CD6: variants seen among roughly 807,000 people sequenced by gnomAD.
CD6 encodes the protein T-cell differentiation antigen CD6.
Under a neutral mutation model 75.3 loss-of-function variants are expected in CD6, and 53 were observed. The ratio of observed to expected loss-of-function variants is 0.70; its 90% CI spans 0.56 to 0.88. The LOEUF is 0.88. Among genes scored for constraint, CD6 ranks in the 40% least tolerant of loss-of-function variants. The pLI is 0.00. For synonymous variants in CD6, 359 were observed against 381.5 expected, an observed-to-expected ratio of 0.94 and a Z score of 0.69; for missense variants, 770 against 897.1, an observed-to-expected ratio of 0.86 and a Z score of 1.81.
Position 61,019,946 on chromosome 11 carries a change from C to A in CD6, c.*628C>A. On this transcript the variant is annotated 3_prime_UTR_variant, in exon 13 of 13. Transcript: ENST00000313421. ...TGACAATGACAGGTTGACTGTGTACCCCCAACCAAGGAGCTGGGGCCCAAG... is the reference window on the plus strand; with the variant it reads ...TGACAATGACAGGTTGACTGTGTACACCCAACCAAGGAGCTGGGGCCCAAG... 1 of 393,904 alleles carries A rather than the reference C, an allele frequency of 2.5e-6. No individual in the cohort carries two copies. The highest frequency in any genetic ancestry group is 4.5e-6 in the Non-Finnish European group (1 of 223,674). 24.4% of individuals were successfully genotyped at this position (393,904 alleles called of 1,614,324 possible). A position where few individuals can be genotyped will look rare whatever the true frequency, so the allele number is the denominator to read the frequency against.
intron 1 of CD6, among the ~76,000 whole-genome samples, chr11:60,994,180 C>T (rs1393835662): frequency 6.6e-6 from 1 of 152,080 alleles, no homozygotes; most frequent in South Asian, 2.1e-4. Flanking sequence ...GTGGCTCATG[C>T]CTGTAATCCC....
At chr11:60,996,449 C>G (rs778826859) in intron 1 of CD6, among the ~76,000 whole-genome samples, 10 of 152,246 alleles carry the variant, frequency 6.6e-5, no homozygotes, top group Non-Finnish European at 1.5e-4. Context: ...GTCCAGCTTC[C>G]CGGCCACTGG....
intron 9 of CD6, among the ~76,000 whole-genome samples, chr11:61,016,261 C>T (rs76952094): frequency 0.044 from 6,639 of 152,306 alleles, 203 homozygotes; most frequent in Middle Eastern, 0.1. Flanking sequence ...CTCACCTCCA[C>T]GCTCTTGCCA....
At position 61,008,647 on chromosome 11, in the gene CD6, G is replaced by A. The variant is rs866112423; in HGVS notation, c.583G>A (p.Ala195Thr). The A allele has an allele frequency of 6.2e-7, 1 of 1,608,198 alleles. No individual in the cohort carries two copies. The highest frequency in any genetic ancestry group is 8.5e-7 in the Non-Finnish European group (1 of 1,177,736). ...VCDDTWDLED[A>T]HVVCRQLGCG... is the part of the protein sequence containing the mutation. ...CGATGACACTTGGGACCTGGAGGACGCCCACGTGGTGTGCAGGCAACTGGG... is the reference window on the plus strand; with the variant it reads ...CGATGACACTTGGGACCTGGAGGACACCCACGTGGTGTGCAGGCAACTGGG... Residue 195 changes from alanine (A) to threonine (T), a missense_variant, in exon 4 of 13, where the codon GCC becomes ACC. Coordinates refer to ENST00000313421, the MANE Select transcript of CD6 (RefSeq NM_006725.5).
chr11:61,011,539 G>A lies in CD6; in HGVS notation c.1150+404G>A, dbSNP rs776996045. On this transcript the variant is annotated intron_variant, in intron 6 of 12. Transcript: ENST00000313421. ...AGCACACAGCCCTGTGTTCATAACC[G>A]GCCAGACACTGGGCCTAGGGCTTTA... is the stretch of plus-strand genomic sequence containing the variant. Among the ~76,000 whole-genome samples the A allele has an allele frequency of 2.0e-4, 31 of 152,184 alleles. 1 individual carries two copies. Among genetic ancestry groups the A allele is most frequent in the South Asian group, 4.1e-4 (2 of 4,828 alleles).
chr11:60,978,034 T>C lies in CD6; in HGVS notation c.49+6120T>C, dbSNP rs73495151. Among the ~76,000 whole-genome samples the C allele has an allele frequency of 3.3e-3, 502 of 152,260 alleles. 1 individual carries two copies. Among genetic ancestry groups the C allele is most frequent in the African/African-American group, 0.011 (461 of 41,548 alleles). ...AGAGAGACTTTAAAGACTAACCCCA[T>C]GGGAGATTTCCTCCTCCAAGTCTGT... On this transcript the variant is annotated intron_variant, in intron 1 of 12. Transcript: ENST00000313421.
intron 1 of CD6, among the ~76,000 whole-genome samples, chr11:60,980,080 C>T (rs1320020433): frequency 3.9e-5 from 6 of 152,074 alleles, no homozygotes; most frequent in Non-Finnish European, 8.8e-5. Context: ...GTATTTTGTC[C>T]CAGGTTGGTG....
At chr11:61,004,022 G>T (rs904571142) in intron 1 of CD6, among the ~76,000 whole-genome samples, 1 of 152,174 alleles carries the variant, frequency 6.6e-6, no homozygotes, top group African/African-American at 2.4e-5. Context: ...TGGACACTGT[G>T]GGGGACACAG....
In CD6 at chr11:61,013,827, A is replaced by C. The variant is rs1859272759; in HGVS notation, c.1292-92A>C. The stretch of plus-strand genomic sequence containing the variant: ...GCCTGCAAGTGTTGGGGGAATGAGG[A>C]GGGTGGTGTGTCGATGAGAACAGAA... On this transcript the variant is annotated intron_variant, in intron 7 of 12. Transcript: ENST00000313421. The C allele has an allele frequency of 1.1e-5, 10 of 870,592 alleles. No individual in the cohort carries two copies. The South Asian group carries it at 1.7e-4, about 15-fold the overall frequency. 53.9% of individuals were successfully genotyped at this position (870,592 alleles called of 1,614,324 possible). A position where few individuals can be genotyped will look rare whatever the true frequency, so the allele number is the denominator to read the frequency against.
intron 1 of CD6, among the ~76,000 whole-genome samples, chr11:60,978,931 A>G (rs1013524521): frequency 3.9e-5 from 6 of 152,252 alleles, no homozygotes; most frequent in African/African-American, 1.4e-4. Flanking sequence ...TAAATGCTCT[A>G]CAGCAAGACC....
At chr11:61,015,886 G>A (rs760893985) in intron 9 of CD6, 51 bp downstream of exon 9, 5 of 1,606,134 alleles carry the variant, frequency 3.1e-6, no homozygotes, top group East Asian at 4.5e-5. Flanking sequence ...ATCTGGGAGG[G>A]GGCCCCGAGG....
Position 61,017,820 on chromosome 11 carries a change from C to T in CD6, c.1644C>T (p.Asp548=), listed in dbSNP as rs1328973386. 4.3e-6 allele frequency: 7 copies of T among 1,614,156 alleles called. No homozygotes were observed. The highest frequency in any genetic ancestry group is 2.2e-5 in the South Asian group (2 of 91,080). The part of the protein sequence containing the change: ...PTANPGHCIT[D]PPSLGPQYHP... ...CCAACCCTGGACACTGCATTACAGA[C>T]CCGCCATCCCTGGGCCCTCAGTATC... Residue 548 remains aspartate, a synonymous_variant, in exon 11 of 13, where the codon GAC becomes GAT. Transcript: ENST00000313421.
chr11:60,982,089 TG>T (rs1857584567), intron 1 of CD6, among the ~76,000 whole-genome samples: 1 of 49,072 alleles, frequency 2.0e-5, no homozygotes, highest in Admixed American at 2.5e-4. Flanking sequence ...GTTCTGTGCA[TG>T]GGGCTGGGGA....
intron 1 of CD6, among the ~76,000 whole-genome samples, chr11:60,982,309 A>G (rs1290314312): frequency 2.0e-5 from 3 of 152,204 alleles, no homozygotes. Flanking sequence ...TCGGAGTCAG[A>G]TGCAAAGCCA....
chr11:60,990,642 G>A (rs1858021584), intron 1 of CD6, among the ~76,000 whole-genome samples: 1 of 152,148 alleles, frequency 6.6e-6, no homozygotes, highest in African/African-American at 2.4e-5. Context: ...AGATACTGTT[G>A]AAATAATTCT....
intron 1 of CD6, among the ~76,000 whole-genome samples, chr11:60,994,354 T>G (rs1227733778): frequency 6.7e-6 from 1 of 148,604 alleles, no homozygotes; most frequent in Non-Finnish European, 1.5e-5. Flanking sequence ...GGCAGGAGAA[T>G]TGCTTGAACC....
intron 1 of CD6, among the ~76,000 whole-genome samples, chr11:60,997,303 G>A (rs1003306102): frequency 2.6e-5 from 4 of 151,638 alleles, no homozygotes; most frequent in African/African-American, 9.7e-5. Flanking sequence ...GCTTGAACCT[G>A]GGAGATGGAG....
At chr11:61,018,648 C>T (rs965216007) in intron 12 of CD6, 33 of 491,296 alleles carry the variant, frequency 6.7e-5, no homozygotes, top group Admixed American at 5.6e-4. Context: ...CAAGACCAGT[C>T]TCTACAAAAC....
chr11:61,019,414 C>A lies in CD6; in HGVS notation c.*96C>A. On this transcript the variant is annotated 3_prime_UTR_variant, in exon 13 of 13. Coordinates refer to ENST00000313421, the MANE Select transcript of CD6 (RefSeq NM_006725.5). Reference sequence around the variant, plus strand: ...CTTTCCCACCCTCCCAGCTCACCTCCCCATGGAGCTGAGAGGCCTCCCTTG... The same window carrying A: ...CTTTCCCACCCTCCCAGCTCACCTCACCATGGAGCTGAGAGGCCTCCCTTG... The A allele has an allele frequency of 1.1e-6, 1 of 941,996 alleles. No individual in the cohort carries two copies. Among genetic ancestry groups the A allele is most frequent in the Non-Finnish European group, 1.6e-6 (1 of 626,978 alleles). The allele number at this position is 941,996 out of a possible 1,614,324, so 58.4% of individuals were successfully genotyped here. A position where few individuals can be genotyped will look rare whatever the true frequency, so the allele number is the denominator to read the frequency against.
Sources: gnomAD v4.1 joint callset for allele counts (sites outside exome capture counted in the v4.1 genomes callset) on GRCh38, gnomAD v4.1.1 for gene constraint, MANE v1.5 for transcripts, NCBI Gene and HGNC (gene_info 2026-07-23, HGNC 2026-07-21) for gene names.